The following KRABD5 variants were observed in gnomAD, a reference collection of about 807,000 sequenced individuals.
KRABD5 encodes the protein KRAB domain containing 5.
the KRABD5 span, among the ~76,000 whole-genome samples, chr16:31,718,525 C>T: frequency 1.3e-5 from 2 of 152,114 alleles, no homozygotes; most frequent in Non-Finnish European, 2.9e-5. Flanking sequence ...AACATGGTGG[C>T]AGAATCTGTA....
At chr16:31,745,844 G>T in the KRABD5 span, among the ~76,000 whole-genome samples, 1 of 152,100 alleles carries the variant, frequency 6.6e-6, no homozygotes, top group Non-Finnish European at 1.5e-5. Context: ...AGCTCTTCTT[G>T]TTGAGTTGTT....
chr16:31,748,382 G>A, the KRABD5 span, among the ~76,000 whole-genome samples: 1 of 152,140 alleles, frequency 6.6e-6, no homozygotes, highest in Non-Finnish European at 1.5e-5. Context: ...ATGCTGTTTT[G>A]GTTACCGTAG....
At chr16:31,731,842 G>C in the KRABD5 span, among the ~76,000 whole-genome samples, 4 of 152,156 alleles carry the variant, frequency 2.6e-5, no homozygotes, top group Admixed American at 2.0e-4. Flanking sequence ...ATTCCCATTT[G>C]GGTCAGTGTT....
the KRABD5 span, chr16:31,753,928 A>G: frequency 1.3e-6 from 2 of 1,550,866 alleles, no homozygotes; most frequent in South Asian, 2.4e-5. Context: ...AATGGATATT[A>G]TGATGGACAT....
the KRABD5 span, among the ~76,000 whole-genome samples, chr16:31,716,794 C>G: frequency 6.6e-6 from 1 of 152,170 alleles, no homozygotes; most frequent in Non-Finnish European, 1.5e-5. Context: ...CCCTAGATCT[C>G]CCAGTTGTGA....
the KRABD5 span, among the ~76,000 whole-genome samples, chr16:31,742,734 C>T: frequency 7.2e-5 from 11 of 152,170 alleles, no homozygotes; most frequent in African/African-American, 2.7e-4. Flanking sequence ...GAGGAATCAC[C>T]ACACTGTCTT....
chr16:31,753,826 A>C, the KRABD5 span: 13 of 1,548,516 alleles, frequency 8.4e-6, no homozygotes, highest in Non-Finnish European at 8.7e-6. Context: ...GCATCATTCC[A>C]AAAAGTGATA....
chr16:31,713,805 A>G, the KRABD5 span, among the ~76,000 whole-genome samples: 1 of 152,144 alleles, frequency 6.6e-6, no homozygotes, highest in South Asian at 2.1e-4. Context: ...TCCTCTTACA[A>G]ATTAAGGGGA....
At chr16:31,713,293 A>C in the KRABD5 span, 2 of 1,227,694 alleles carry the variant, frequency 1.6e-6, no homozygotes, top group Non-Finnish European at 2.3e-6. Flanking sequence ...CAGTCTCTTC[A>C]CCAGGGGCTC....
chr16:31,756,824 T>C, the KRABD5 span: 9 of 152,254 alleles, frequency 5.9e-5, no homozygotes, highest in East Asian at 1.2e-3. Context: ...TGTACTAAGA[T>C]AGAAAGAAAA....
chr16:31,750,727 T>TA, the KRABD5 span, among the ~76,000 whole-genome samples: 1 of 151,898 alleles, frequency 6.6e-6, no homozygotes, highest in East Asian at 1.9e-4. Context: ...GTTTTTTTTT[T>TA]ATCATTAAGG....
the KRABD5 span, among the ~76,000 whole-genome samples, chr16:31,749,350 A>G: frequency 3.9e-5 from 6 of 152,176 alleles, no homozygotes; most frequent in Non-Finnish European, 7.4e-5. Context: ...ATAGAGGTGG[A>G]TGTTGCCCTT....
At chr16:31,742,806 C>T in the KRABD5 span, among the ~76,000 whole-genome samples, 171 of 152,292 alleles carry the variant, frequency 1.1e-3, no homozygotes, top group African/African-American at 3.9e-3. Flanking sequence ...CATTTCTCCA[C>T]AGCCTGGCCA....
chr16:31,729,754 T>A, the KRABD5 span, among the ~76,000 whole-genome samples: 1 of 152,146 alleles, frequency 6.6e-6, no homozygotes, highest in African/African-American at 2.4e-5. Context: ...TTTGTCTTGT[T>A]TTTGTTGTTT....
At chr16:31,754,564 G>A in the KRABD5 span, 1 of 518,882 alleles carries the variant, frequency 1.9e-6, no homozygotes, top group Non-Finnish European at 3.7e-6. Context: ...AAAAATGTGA[G>A]AAAGCCTTTC....
At chr16:31,747,510 T>C in the KRABD5 span, among the ~76,000 whole-genome samples, 1 of 152,216 alleles carries the variant, frequency 6.6e-6, no homozygotes, top group African/African-American at 2.4e-5. Flanking sequence ...TACCCAGTAA[T>C]GGGATGGCTG....
the KRABD5 span, among the ~76,000 whole-genome samples, chr16:31,749,145 G>A: frequency 6.6e-6 from 1 of 152,292 alleles, no homozygotes; most frequent in East Asian, 1.9e-4. Context: ...TTCTTTCCCT[G>A]AACCTCTGGC....
the KRABD5 span, among the ~76,000 whole-genome samples, chr16:31,734,469 C>A: frequency 6.6e-6 from 1 of 152,068 alleles, no homozygotes; most frequent in Admixed American, 6.6e-5. Flanking sequence ...CCAGGCTGGC[C>A]TTGAACTCCT....
chr16:31,760,779 CAT>C, the KRABD5 span: 4 of 152,232 alleles, frequency 2.6e-5, no homozygotes, highest in African/African-American at 7.2e-5. Context: ...AATTTGCAAA[CAT>C]GTGGAGTGTG....
Sources: gnomAD v4.1 joint callset for allele counts (sites outside exome capture counted in the v4.1 genomes callset) on GRCh38, gnomAD v4.1.1 for gene constraint, MANE v1.5 for transcripts, NCBI Gene and HGNC (gene_info 2026-07-23, HGNC 2026-07-21) for gene names.